The following NBEA variants were observed in gnomAD, a reference collection of about 807,000 sequenced individuals.
The protein encoded by NBEA is neurobeachin, also known as lysosomal-trafficking regulator 2.
In NBEA, 44 loss-of-function variants were observed where a neutral mutation model predicts 343.4. That is an observed-to-expected ratio of 0.13 (90% CI 0.10 to 0.16). The LOEUF (loss-of-function observed/expected upper bound fraction) is 0.16. NBEA is among the 10% of genes least tolerant of loss of function. The pLI is 1.00. For missense variants in NBEA, 2,555 were observed against 3,631.3 expected, an observed-to-expected ratio of 0.70 and a Z score of 7.62; for synonymous variants, 1,175 against 1,238.7, an observed-to-expected ratio of 0.95 and a Z score of 1.08.
intron 11 of NBEA, among the ~76,000 whole-genome samples, chr13:35,098,790 TTC>T (rs1164750323): frequency 6.6e-6 from 1 of 152,088 alleles, no homozygotes; most frequent in Non-Finnish European, 1.5e-5. Flanking sequence ...TTGTGTGCTG[TTC>T]TGAGGAGAGT....
intron 10 of NBEA, among the ~76,000 whole-genome samples, chr13:35,088,479 G>C (rs1046495135): frequency 6.6e-5 from 10 of 151,798 alleles, no homozygotes; most frequent in African/African-American, 2.4e-4. Flanking sequence ...TGGTCTGGGG[G>C]TATCCCAGAT....
chr13:34,950,839 A>C (rs986510425), intron 1 of NBEA, among the ~76,000 whole-genome samples: 2 of 152,160 alleles, frequency 1.3e-5, no homozygotes, highest in African/African-American at 4.8e-5. Flanking sequence ...CTGTAATTCC[A>C]GCACTTTGGG....
intron 41 of NBEA, among the ~76,000 whole-genome samples, chr13:35,487,047 A>G (rs1383122714): frequency 2.6e-5 from 4 of 151,974 alleles, no homozygotes. Context: ...TAGTTTTACT[A>G]TGTAATATCA....
Position 35,135,044 on chromosome 13 carries a change from A to G in NBEA, c.2337-7225A>G, listed in dbSNP as rs187447944. ...ACATATACATAGTACTTTTCCATCA[A>G]TTAAAAAATGGGAAGGGTAATATCC... On this transcript the variant is annotated intron_variant, in intron 17 of 58. Coordinates refer to ENST00000379939, the MANE Select transcript of NBEA (RefSeq NM_001385012.1). 2.3e-3 allele frequency among the ~76,000 whole-genome samples: 349 copies of G among 152,112 alleles called. 2 individuals carry two copies. The highest frequency in any genetic ancestry group is 0.01 in the Middle Eastern group (3 of 292).
At chr13:35,477,892 T>C (rs995933365) in intron 41 of NBEA, among the ~76,000 whole-genome samples, 5 of 152,198 alleles carry the variant, frequency 3.3e-5, no homozygotes, top group Non-Finnish European at 7.3e-5. Flanking sequence ...GAGGAATTTT[T>C]TTTTCTAGTT....
chr13:35,207,833 C>T (rs1367802272), intron 31 of NBEA, among the ~76,000 whole-genome samples: 3 of 152,058 alleles, frequency 2.0e-5, no homozygotes, highest in Non-Finnish European at 2.9e-5. Flanking sequence ...CAATTTTGTT[C>T]AGAAAAATAA....
intron 39 of NBEA, among the ~76,000 whole-genome samples, chr13:35,450,726 C>T (rs891579943): frequency 2.6e-5 from 4 of 152,122 alleles, no homozygotes; most frequent in African/African-American, 9.7e-5. Context: ...ATCCACCACC[C>T]CAAATGAGAT....
At chr13:35,033,908 T>A (rs2062338112) in intron 1 of NBEA, among the ~76,000 whole-genome samples, 1 of 151,726 alleles carries the variant, frequency 6.6e-6, no homozygotes, top group Non-Finnish European at 1.5e-5. Context: ...TCTTGTGAAA[T>A]CTTTAGGTTT....
At chr13:35,418,138 G>A (rs1025118945) in intron 38 of NBEA, among the ~76,000 whole-genome samples, 3 of 152,052 alleles carry the variant, frequency 2.0e-5, no homozygotes, top group African/African-American at 7.2e-5. Flanking sequence ...GTGTGTGTCT[G>A]CATGTGAGAT....
intron 35 of NBEA, among the ~76,000 whole-genome samples, chr13:35,306,092 A>G (rs1396387761): frequency 6.6e-6 from 1 of 152,200 alleles, no homozygotes; most frequent in Non-Finnish European, 1.5e-5. Context: ...CAGGATAGAC[A>G]GAAGATTTAC....
At chr13:35,612,449 T>C (rs1446701728) in intron 48 of NBEA, among the ~76,000 whole-genome samples, 1 of 152,126 alleles carries the variant, frequency 6.6e-6, no homozygotes, top group East Asian at 1.9e-4. Context: ...TTAATATATA[T>C]TCCCTAGTGA....
chr13:35,300,886 CCACCCA>C (rs1333338937), intron 35 of NBEA, among the ~76,000 whole-genome samples: 1 of 151,996 alleles, frequency 6.6e-6, no homozygotes, highest in East Asian at 1.9e-4. Context: ...TTTTTGTTTG[CCACCCA>C]ATACTGTGTA....
At chr13:35,667,254 C>G (rs2153088066) in intron 56 of NBEA, 120 bp from the exon 57 acceptor site, 1 of 798,454 alleles carries the variant, frequency 1.3e-6, no homozygotes, top group East Asian at 2.5e-5. Context: ...CAGCCTACCT[C>G]TTTCCTGTCC....
intron 38 of NBEA, among the ~76,000 whole-genome samples, chr13:35,398,672 A>G (rs561572919): frequency 4.2e-4 from 64 of 152,224 alleles, no homozygotes; most frequent in South Asian, 2.1e-3. Context: ...GGCTTAAAAT[A>G]TTCAGCTAAC....
intron 47 of NBEA, among the ~76,000 whole-genome samples, chr13:35,594,078 A>G (rs2081649874): frequency 1.3e-5 from 2 of 152,162 alleles, no homozygotes; most frequent in Non-Finnish European, 2.9e-5. Context: ...TATTTTAAAA[A>G]AGAAAAACAT....
intron 33 of NBEA, among the ~76,000 whole-genome samples, chr13:35,224,207 T>C (rs2074531634): frequency 6.6e-6 from 1 of 152,180 alleles, no homozygotes; most frequent in Non-Finnish European, 1.5e-5. Context: ...ACCTACGTAA[T>C]CTAGGATAAT....
At chr13:35,345,339 G>A (rs1462956801) in intron 36 of NBEA, among the ~76,000 whole-genome samples, 2 of 152,038 alleles carry the variant, frequency 1.3e-5, no homozygotes, top group East Asian at 1.9e-4. Context: ...TATTGCTTTG[G>A]CATATATACA....
Position 35,290,407 on chromosome 13 carries a change from C to G in NBEA, c.5795C>G (p.Ser1932Cys). 3 of 1,606,664 alleles carry G rather than the reference C, an allele frequency of 1.9e-6. No homozygotes were observed. Among genetic ancestry groups the G allele is most frequent in the Non-Finnish European group, 2.6e-6 (3 of 1,174,864 alleles). The change falls in exon 35 of 59, where the codon TCC (serine) becomes TGC (cysteine). Residue 1932 changes from serine (S) to cysteine (C), a missense_variant. This residue lies in a region of NBEA where 84 missense variants were observed against 196.4 expected (regional missense o/e 0.43). Transcript: ENST00000379939. ...GTTGTAGGCCTTGTTTGTATGAAGT[C>G]CAGCACATCTGTGGTTGAGCTTGTT... ...LLIEGLVCMK[S>C]STSVVELVML...
At chr13:35,287,105 C>T (rs971552505) in intron 34 of NBEA, among the ~76,000 whole-genome samples, 1 of 152,028 alleles carries the variant, frequency 6.6e-6, no homozygotes. Context: ...ATACAAGCCT[C>T]CTTCCTCATA....
Sources: allele counts gnomAD v4.1 joint callset (sites outside exome capture counted in the v4.1 genomes callset), GRCh38; gene constraint gnomAD v4.1.1; regional missense constraint gnomAD v4.1.1; transcripts MANE v1.5; gene names NCBI Gene and HGNC (gene_info 2026-07-23, HGNC 2026-07-21).